The following GABRR1 variants were observed in gnomAD, a reference collection of about 807,000 sequenced individuals.
The protein encoded by GABRR1 is gamma-aminobutyric acid type A receptor subunit rho1.
In GABRR1, 59 loss-of-function variants were observed where a neutral mutation model predicts 55.5. The observed-to-expected ratio is 1.06, with a 90% CI of 0.86 to 1.32. GABRR1 has a LOEUF of 1.32. GABRR1 is among the 40% of genes most tolerant of loss of function. GABRR1 has a pLI of 0.00. For synonymous variants in GABRR1, 213 were observed against 226.0 expected (o/e 0.94, Z 0.51); for missense variants, 602 against 619.1 (o/e 0.97, Z 0.29).
rs191802907 is a variant in GABRR1 at position 89,210,021 on chromosome 6, C to T, written c.123-6536G>A. 2.2e-4 allele frequency among the ~76,000 whole-genome samples: 33 copies of T among 151,998 alleles called. No homozygotes were observed. The East Asian group carries it at 3.5e-3, about 16-fold the overall frequency. ...ATAACTTTCTTTTGTTTTCTGATGG[C>T]GAGAGGAAAGCACCAGAAGTGGAAA... On this transcript the variant is annotated intron_variant, in intron 1 of 9. Coordinates refer to ENST00000454853, the MANE Select transcript of GABRR1 (RefSeq NM_002042.5).
intron 7 of GABRR1, among the ~76,000 whole-genome samples, chr6:89,182,689 C>A (rs938969868): frequency 3.9e-5 from 6 of 152,028 alleles, no homozygotes; most frequent in Non-Finnish European, 7.4e-5. Flanking sequence ...TGGGCCCCAC[C>A]CCAAACCTAC....
At chr6:89,217,625 A>G (rs944979408), upstream of GABRR1, 10 of 253,566 alleles carry the variant, frequency 3.9e-5, no homozygotes, top group African/African-American at 1.6e-4. Context: ...AAATGTTGGT[A>G]AAAGTCTTAT....
At chr6:89,217,162 C>T in intron 1 of GABRR1, 39 bp downstream of exon 1, 1 of 1,606,464 alleles carries the variant, frequency 6.2e-7, no homozygotes, top group Non-Finnish European at 8.5e-7. Context: ...TTTGTGCATC[C>T]TCTTTTCCTA....
At chr6:89,192,046 A>G (rs1408190590) in intron 5 of GABRR1, among the ~76,000 whole-genome samples, 1 of 151,914 alleles carries the variant, frequency 6.6e-6, no homozygotes, top group Non-Finnish European at 1.5e-5. Context: ...CATCGAAAAA[A>G]AAAAAAAGAA....
intron 1 of GABRR1, among the ~76,000 whole-genome samples, chr6:89,230,729 C>T (rs965196057): frequency 6.6e-6 from 1 of 151,800 alleles, no homozygotes; most frequent in African/African-American, 2.4e-5. Context: ...TGTCTGTGCC[C>T]TGCCCCCAGA....
intron 5 of GABRR1, among the ~76,000 whole-genome samples, chr6:89,195,864 C>G (rs380898): frequency 0.45 from 67,948 of 151,978 alleles, 16,154 homozygotes; most frequent in East Asian, 0.91. Flanking sequence ...AAATCAGCCA[C>G]GATGGGAGTA....
Position 89,198,108 on chromosome 6 carries a change from G to A in GABRR1, c.484C>T (p.His162Tyr). Reference protein sequence around the residue: ...KIWVPDMFFVHSKRSFIHDTT... With the variant: ...KIWVPDMFFVYSKRSFIHDTT... ...TCGTGGATGAAGGAGCGTTTGGAGT[G>A]CACGAAAAACATGTCAGGGACCCAG... The change falls in exon 5 of 10, where the codon CAC becomes TAC. Residue 162 changes from histidine (H) to tyrosine (Y), a missense_variant. His to Tyr is a moderately conservative substitution (Grantham distance 83, BLOSUM62 2). Transcript: ENST00000454853. 1.2e-6 allele frequency: 2 copies of A among 1,614,086 alleles called. No individual in the cohort carries two copies. Among genetic ancestry groups the A allele is most frequent in the Non-Finnish European group, 1.7e-6 (2 of 1,180,020 alleles).
intron 1 of GABRR1, among the ~76,000 whole-genome samples, chr6:89,209,497 G>A (rs146734695): frequency 6.6e-6 from 1 of 152,130 alleles, no homozygotes; most frequent in African/African-American, 2.4e-5. Flanking sequence ...ACAAAAACAG[G>A]TGTTTGTCAA....
chr6:89,196,442 G>A (rs1192287125), intron 5 of GABRR1, among the ~76,000 whole-genome samples: 3 of 152,026 alleles, frequency 2.0e-5, no homozygotes, highest in African/African-American at 7.2e-5. Context: ...GTGTTGTTGT[G>A]TTGGTAGTTT....
upstream of GABRR1, chr6:89,221,518 C>T (rs1473078658): frequency 6.6e-6 from 1 of 152,162 alleles, no homozygotes; most frequent in East Asian, 1.9e-4. Context: ...CTAGTATTTA[C>T]ATTGTATTAG....
At chr6:89,229,137 G>A (rs1194031098) in intron 1 of GABRR1, among the ~76,000 whole-genome samples, 12 of 151,916 alleles carry the variant, frequency 7.9e-5, no homozygotes, top group African/African-American at 2.7e-4. Flanking sequence ...CCATCCTTTT[G>A]TTTTGAGCCT....
chr6:89,193,802 A>G (rs531822413), intron 5 of GABRR1, among the ~76,000 whole-genome samples: 1 of 152,340 alleles, frequency 6.6e-6, no homozygotes, highest in South Asian at 2.1e-4. Context: ...TTCAACAGCA[A>G]CAACCCAGAG....
rs1009320968 is a variant in GABRR1 at position 89,209,005 on chromosome 6, T to G, written c.123-5520A>C. On this transcript the variant is annotated intron_variant, in intron 1 of 9. Transcript: ENST00000454853. ...TCTTCTTGCCACCATTACTGACTTC[T>G]GTTCCCACCAACTTGGTGGGCCCCT... Among the ~76,000 whole-genome samples, 12 of 152,324 alleles carry G rather than the reference T, an allele frequency of 7.9e-5. 1 individual carries two copies. In the South Asian group the frequency reaches 2.5e-3, roughly 32 times the overall value.
At chr6:89,208,449 TTGTTC>T (rs1772718326) in intron 1 of GABRR1, among the ~76,000 whole-genome samples, 1 of 152,260 alleles carries the variant, frequency 6.6e-6, no homozygotes, top group Admixed American at 6.5e-5. Flanking sequence ...ACCATGGTAC[TTGTTC>T]TGGTCAAACA....
intron 3 of GABRR1, among the ~76,000 whole-genome samples, chr6:89,200,431 TAG>T (rs1435216047): frequency 6.6e-6 from 1 of 151,950 alleles, no homozygotes; most frequent in East Asian, 1.9e-4. Flanking sequence ...GTATTTTTAG[TAG>T]AGACAGAGTT....
Position 89,190,213 on chromosome 6 carries a change from T to C in GABRR1, c.607A>G (p.Ser203Gly). 1 of 1,611,956 alleles carries C rather than the reference T, an allele frequency of 6.2e-7. No individual in the cohort carries two copies. Among genetic ancestry groups the C allele is most frequent in the South Asian group, 1.1e-5 (1 of 90,550 alleles). ...TVTAMCNMDF[S>G]RFPLDTQTCS... Reference sequence around the variant, plus strand: ...GTTTGTGTGTCCAAGGGAAATCGGCTGAAGTCCATGTTGCACATTGCAGTT... The same window carrying C: ...GTTTGTGTGTCCAAGGGAAATCGGCCGAAGTCCATGTTGCACATTGCAGTT... Residue 203 changes from serine to glycine, a missense_variant, in exon 6 of 10, where the codon AGC becomes GGC. Transcript: ENST00000454853.
At chr6:89,201,816 C>T (rs1355780071) in intron 2 of GABRR1, among the ~76,000 whole-genome samples, 1 of 151,960 alleles carries the variant, frequency 6.6e-6, no homozygotes, top group Non-Finnish European at 1.5e-5. Context: ...CAGGCCCCAC[C>T]TCCGAGATGC....
chr6:89,210,228 C>T (rs1213650520), intron 1 of GABRR1, among the ~76,000 whole-genome samples: 1 of 124,088 alleles, frequency 8.1e-6, no homozygotes, highest in Non-Finnish European at 1.6e-5. Context: ...AGTTCTTACT[C>T]TGTCACCCAG....
intron 1 of GABRR1, among the ~76,000 whole-genome samples, chr6:89,208,953 C>T (rs1383850978): frequency 6.6e-6 from 1 of 152,232 alleles, no homozygotes; most frequent in Non-Finnish European, 1.5e-5. Context: ...CAGCTTCTGT[C>T]AGGTCTCAGG....
Sources: allele counts gnomAD v4.1 joint callset (sites outside exome capture counted in the v4.1 genomes callset), GRCh38; gene constraint gnomAD v4.1.1; transcripts MANE v1.5; gene names NCBI Gene and HGNC (gene_info 2026-07-23, HGNC 2026-07-21).